Variants in BNC2 observed in about 807,000 individuals in gnomAD.
The protein encoded by BNC2 is basonuclin zinc finger protein 2, also known as zinc finger protein basonuclin-2.
In BNC2, 20 loss-of-function variants were observed where a neutral mutation model predicts 76.3. That is an observed-to-expected ratio of 0.26 (90% CI 0.18 to 0.38). The LOEUF (loss-of-function observed/expected upper bound fraction) is 0.38, where lower values mean the gene tolerates loss of function less well. Among genes scored for constraint, BNC2 ranks in the 10% least tolerant of loss-of-function variants. The probability of loss-of-function intolerance (pLI) is 1.00; values close to 1 mark genes in which losing one functional copy is unlikely to be tolerated. For missense variants in BNC2, 1,382 were observed against 1,399.8 expected (o/e 0.99, Z 0.20); for synonymous variants, 582 against 514.8 (o/e 1.13, Z -1.77).
At chr9:16,795,380 TGGC>T (rs1363310771) in intron 1 of BNC2, among the ~76,000 whole-genome samples, 2 of 97,720 alleles carry the variant, frequency 2.0e-5, no homozygotes, top group Middle Eastern at 4.3e-3. Flanking sequence ...CTGCTAATTC[TGGC>T]TTTTTTTTTT....
At chr9:16,620,530 T>C (rs1386579110) in intron 3 of BNC2, among the ~76,000 whole-genome samples, 1 of 152,158 alleles carries the variant, frequency 6.6e-6, no homozygotes, top group East Asian at 1.9e-4. Context: ...AAATGATGAC[T>C]TAGTAGCTAC....
At chr9:16,862,464 C>A (rs1819433911) in intron 1 of BNC2, among the ~76,000 whole-genome samples, 1 of 152,086 alleles carries the variant, frequency 6.6e-6, no homozygotes. Flanking sequence ...AATGAGAGAA[C>A]ACAGGCTATC....
intron 1 of BNC2, among the ~76,000 whole-genome samples, chr9:16,842,761 G>C (rs1563966882): frequency 6.7e-6 from 1 of 150,316 alleles, no homozygotes; most frequent in Non-Finnish European, 1.5e-5. Context: ...TTTTTGTTTT[G>C]TTTTACTTTG....
chr9:16,796,504 G>A lies in BNC2; in HGVS notation c.4-58019C>T, dbSNP rs140618918. ...GGAGAATGGTGTGAACCCAGGAGGCGGAGCTTGCAGTAAGCCGAGATCACG... is the reference window on the plus strand; with the variant it reads ...GGAGAATGGTGTGAACCCAGGAGGCAGAGCTTGCAGTAAGCCGAGATCACG... On this transcript the variant is annotated intron_variant, in intron 1 of 6. Transcript: ENST00000380672. Among the ~76,000 whole-genome samples the A allele has an allele frequency of 9.5e-3, 1,436 of 151,770 alleles. 26 individuals carry two copies. Among genetic ancestry groups the A allele is most frequent in the African/African-American group, 0.033 (1,360 of 41,382 alleles).
chr9:16,456,477 G>A (rs1821451086), intron 5 of BNC2, among the ~76,000 whole-genome samples: 2 of 145,958 alleles, frequency 1.4e-5, no homozygotes, highest in Admixed American at 1.4e-4. Context: ...CTTGCAGTGA[G>A]CCGAGATCAC....
chr9:16,477,726 A>C (rs1243442175), intron 5 of BNC2, among the ~76,000 whole-genome samples: 2 of 152,140 alleles, frequency 1.3e-5, no homozygotes, highest in Non-Finnish European at 2.9e-5. Flanking sequence ...TTTTATCAAA[A>C]ATTTGATATC....
Position 16,425,601 on chromosome 9 carries a change from T to G in BNC2, c.2640-5952A>C, listed in dbSNP as rs151008532. ...ACGTGAACGAAATCACCAAATTTGT[T>G]TACTAAATGAATCGTAATATGCTAA... On this transcript the variant is annotated intron_variant, in intron 6 of 6. Transcript: ENST00000380672. Among the ~76,000 whole-genome samples the G allele has an allele frequency of 1.1e-3, 166 of 152,332 alleles. 2 individuals carry two copies. In the East Asian group the frequency reaches 0.019, roughly 18 times the overall value.
At chr9:16,759,131 T>G (rs1436050236) in intron 1 of BNC2, among the ~76,000 whole-genome samples, 4 of 152,194 alleles carry the variant, frequency 2.6e-5, no homozygotes, top group Non-Finnish European at 5.9e-5. Flanking sequence ...AGAAATGGAT[T>G]ACAAGTTACT....
At chr9:16,765,469 A>G (rs1261352141) in intron 1 of BNC2, among the ~76,000 whole-genome samples, 1 of 152,198 alleles carries the variant, frequency 6.6e-6, no homozygotes, top group Non-Finnish European at 1.5e-5. Flanking sequence ...TATTATTAAC[A>G]TTTTAGTCAA....
intron 1 of BNC2, among the ~76,000 whole-genome samples, chr9:16,811,507 G>A (rs1478743263): frequency 2.2e-5 from 3 of 135,594 alleles, no homozygotes; most frequent in Non-Finnish European, 4.6e-5. Context: ...AGCCGAGATC[G>A]AGCCATTGCA....
At chr9:16,601,614 G>C (rs1443578695) in intron 3 of BNC2, among the ~76,000 whole-genome samples, 24 of 152,134 alleles carry the variant, frequency 1.6e-4, no homozygotes, top group Admixed American at 1.6e-3. Flanking sequence ...ACACACTCCT[G>C]AGCCTGAAAA....
intron 5 of BNC2, among the ~76,000 whole-genome samples, chr9:16,464,488 C>G (rs1369438362): frequency 6.6e-6 from 1 of 152,176 alleles, no homozygotes; most frequent in Non-Finnish European, 1.5e-5. Flanking sequence ...TATTAAATAA[C>G]TAGCACATCA....
intron 1 of BNC2, among the ~76,000 whole-genome samples, chr9:16,811,244 A>AC (rs1554740516): frequency 2.2e-5 from 3 of 139,072 alleles, no homozygotes; most frequent in Non-Finnish European, 4.7e-5. Context: ...AAAAAAAAAA[A>AC]CCAAAAAAAC....
intron 3 of BNC2, among the ~76,000 whole-genome samples, chr9:16,617,332 A>G (rs1296697746): frequency 6.6e-6 from 1 of 152,196 alleles, no homozygotes; most frequent in Non-Finnish European, 1.5e-5. Context: ...ATACAATTGA[A>G]AACATCATTC....
At chr9:16,691,392 A>C (rs1823157759) in intron 3 of BNC2, among the ~76,000 whole-genome samples, 1 of 151,850 alleles carries the variant, frequency 6.6e-6, no homozygotes. Flanking sequence ...AAAACATCCT[A>C]CTATTGGACA....
chr9:16,862,115 T>A (rs1333726855), intron 1 of BNC2, among the ~76,000 whole-genome samples: 1 of 152,112 alleles, frequency 6.6e-6, no homozygotes, highest in African/African-American at 2.4e-5. Context: ...TGGAAGTTCC[T>A]CAAAAAGTTA....
chr9:16,578,610 G>A (rs1819549350), intron 4 of BNC2, among the ~76,000 whole-genome samples: 1 of 151,632 alleles, frequency 6.6e-6, no homozygotes, highest in Non-Finnish European at 1.5e-5. Context: ...TCTGTGAATG[G>A]CCAAATTGCT....
At chr9:16,425,841 A>G (rs1317097059) in intron 6 of BNC2, among the ~76,000 whole-genome samples, 1 of 152,218 alleles carries the variant, frequency 6.6e-6, no homozygotes, top group Non-Finnish European at 1.5e-5. Context: ...TAGTGATGGC[A>G]TTTGGGAAGG....
chr9:16,801,179 C>A (rs752141566), intron 1 of BNC2, among the ~76,000 whole-genome samples: 35 of 152,242 alleles, frequency 2.3e-4, no homozygotes, highest in Non-Finnish European at 4.1e-4. Context: ...CTTTTTGTGA[C>A]CTTCAAATCT....
Sources: gnomAD v4.1 joint callset for allele counts (sites outside exome capture counted in the v4.1 genomes callset) on GRCh38, gnomAD v4.1.1 for gene constraint, MANE v1.5 for transcripts, NCBI Gene and HGNC (gene_info 2026-07-23, HGNC 2026-07-21) for gene names.